The following PHF21A variants were observed in gnomAD, a reference collection of about 807,000 sequenced individuals.
PHF21A encodes BHC80a.
In PHF21A, 11 loss-of-function variants were observed where a neutral mutation model predicts 82.5. The observed-to-expected ratio is 0.13, with a 90% CI of 0.08 to 0.22. The LOEUF is 0.22. Among genes scored for constraint, PHF21A ranks in the 10% least tolerant of loss-of-function variants. The pLI is 1.00. For synonymous variants in PHF21A, 297 were observed against 302.8 expected (o/e 0.98, Z 0.20); for missense variants, 579 against 837.8 (o/e 0.69, Z 3.81).
At chr11:46,081,174 C>T (rs1256912950) in intron 4 of PHF21A, among the ~76,000 whole-genome samples, 1 of 152,190 alleles carries the variant, frequency 6.6e-6, no homozygotes, top group Non-Finnish European at 1.5e-5. Flanking sequence ...GATGCTAAGA[C>T]ACATTTTAGA....
intron 6 of PHF21A, among the ~76,000 whole-genome samples, chr11:46,026,586 T>C (rs1240485944): frequency 6.6e-6 from 1 of 152,134 alleles, no homozygotes; most frequent in East Asian, 1.9e-4. Flanking sequence ...GGTAAACTGT[T>C]TCCATATTGA....
chr11:45,955,345 CAA>C (rs2092554535), intron 10 of PHF21A, among the ~76,000 whole-genome samples: 1 of 151,894 alleles, frequency 6.6e-6, no homozygotes, highest in Non-Finnish European at 1.5e-5. Context: ...CTCCATAAAA[CAA>C]AACACCAGTG....
chr11:45,986,361 A>C (rs1281409595), intron 6 of PHF21A, among the ~76,000 whole-genome samples: 3 of 152,160 alleles, frequency 2.0e-5, no homozygotes, highest in Admixed American at 6.5e-5. Flanking sequence ...ACTTTGCCTA[A>C]ATTTAGAGAC....
intron 14 of PHF21A, 126 bp from the exon 15 acceptor site, chr11:45,946,129 CAGA>C: frequency 4.3e-6 from 7 of 1,610,438 alleles, no homozygotes; most frequent in Non-Finnish European, 5.1e-6. Context: ...AGGTAGCAGA[CAGA>C]AGGTTAATTC....
chr11:45,931,940 G>A lies in PHF21A; in HGVS notation c.*2028C>T, dbSNP rs1359621719. ...AGCCGAGGCAAGCGCAGCAATTCTA[G>A]CCCAGGGTCACCCAGGAGGCTTGTG... On this transcript the variant is annotated 3_prime_UTR_variant, in exon 19 of 19. Coordinates refer to ENST00000676320, the MANE Select transcript of PHF21A (RefSeq NM_001352027.3). 2.0e-5 allele frequency: 3 copies of A among 152,336 alleles called. No individual in the cohort carries two copies. Among genetic ancestry groups the A allele is most frequent in the African/African-American group, 7.2e-5 (3 of 41,468 alleles). The allele number at this position is 152,336 out of a possible 1,614,324, so 9.4% of individuals were successfully genotyped here.
chr11:46,088,361 G>A (rs760485812), intron 3 of PHF21A, among the ~76,000 whole-genome samples: 3 of 151,810 alleles, frequency 2.0e-5, no homozygotes, highest in African/African-American at 4.8e-5. Flanking sequence ...TCTTCCAAAC[G>A]GTACATGTCA....
intron 8 of PHF21A, chr11:45,970,227 A>G (rs1177655836): frequency 3.8e-6 from 1 of 261,608 alleles, no homozygotes. Context: ...GACTGGATCC[A>G]AAGTAAAATC....
chr11:46,011,434 G>GT (rs2095411794), intron 6 of PHF21A, among the ~76,000 whole-genome samples: 1 of 152,138 alleles, frequency 6.6e-6, no homozygotes, highest in Non-Finnish European at 1.5e-5. Context: ...GGTTGCAGCA[G>GT]TGAGCGGAGA....
chr11:45,947,159 C>G (rs1254015457), intron 14 of PHF21A, among the ~76,000 whole-genome samples: 2 of 152,206 alleles, frequency 1.3e-5, no homozygotes, highest in Non-Finnish European at 2.9e-5. Flanking sequence ...AACTTCAAGG[C>G]TACAAAGGAA....
At chr11:46,082,678 TTTAA>T (rs1453465133) in intron 4 of PHF21A, among the ~76,000 whole-genome samples, 1 of 152,126 alleles carries the variant, frequency 6.6e-6, no homozygotes, top group Non-Finnish European at 1.5e-5. Context: ...AATTTAAAAT[TTTAA>T]TTAGATTTAA....
At chr11:45,947,241 C>T (rs921668090) in intron 14 of PHF21A, among the ~76,000 whole-genome samples, 20 of 152,110 alleles carry the variant, frequency 1.3e-4, no homozygotes, top group Non-Finnish European at 5.9e-5. Flanking sequence ...TAAGTCAGGG[C>T]CCTTGTCTTC....
At chr11:45,996,649 G>A (rs2094919023) in intron 6 of PHF21A, among the ~76,000 whole-genome samples, 1 of 152,210 alleles carries the variant, frequency 6.6e-6, no homozygotes, top group Non-Finnish European at 1.5e-5. Context: ...AGGTGTACAT[G>A]CTTGAGCAGA....
chr11:46,038,372 C>A (rs1308194190), intron 6 of PHF21A, among the ~76,000 whole-genome samples: 1 of 152,136 alleles, frequency 6.6e-6, no homozygotes, highest in East Asian at 1.9e-4. Flanking sequence ...AAGTGATCCA[C>A]CCGCCTCAGC....
chr11:46,079,245 C>A, intron 4 of PHF21A, 79 bp from the exon 5 acceptor site: 1 of 1,006,326 alleles, frequency 9.9e-7, no homozygotes. Flanking sequence ...ACCAAAAAAT[C>A]TAGGATTTTA....
At chr11:46,107,437 T>C (rs994821097) in intron 1 of PHF21A, among the ~76,000 whole-genome samples, 1 of 152,320 alleles carries the variant, frequency 6.6e-6, no homozygotes, top group African/African-American at 2.4e-5. Context: ...AGGAAAAGCA[T>C]ATTTATGAAT....
chr11:45,930,879 C>G lies in PHF21A; in HGVS notation c.*3089G>C, dbSNP rs1029653651. 6 of 148,982 alleles carry G rather than the reference C, an allele frequency of 4.0e-5. No homozygotes were observed. The highest frequency in any genetic ancestry group is 1.5e-4 in the African/African-American group (6 of 40,006). The allele number at this position is 148,982 out of a possible 1,614,324, so 9.2% of individuals were successfully genotyped here. ...AGGTGGCTGGGGTGGGGCAGTGTCACGAGCGTATGTCTCAGGTGGTCACAG... is the reference window on the plus strand; with the variant it reads ...AGGTGGCTGGGGTGGGGCAGTGTCAGGAGCGTATGTCTCAGGTGGTCACAG... On this transcript the variant is annotated 3_prime_UTR_variant, in exon 19 of 19. Coordinates refer to ENST00000676320, the MANE Select transcript of PHF21A (RefSeq NM_001352027.3).
At chr11:46,061,507 T>C (rs1365726580) in intron 6 of PHF21A, among the ~76,000 whole-genome samples, 1 of 152,206 alleles carries the variant, frequency 6.6e-6, no homozygotes, top group African/African-American at 2.4e-5. Flanking sequence ...CATTTTGCTA[T>C]TCCTGGAACT....
intron 5 of PHF21A, 50 bp downstream of exon 5, chr11:46,079,084 T>C: frequency 1.7e-6 from 2 of 1,159,378 alleles, no homozygotes; most frequent in Non-Finnish European, 2.5e-6. Context: ...GATTTTATTT[T>C]AAATTATTTT....
chr11:46,038,454 T>G (rs1471168396), intron 6 of PHF21A, among the ~76,000 whole-genome samples: 1 of 152,200 alleles, frequency 6.6e-6, no homozygotes, highest in Non-Finnish European at 1.5e-5. Flanking sequence ...TAACTATTTA[T>G]TGAGCACCTC....
Sources: allele counts gnomAD v4.1 joint callset (sites outside exome capture counted in the v4.1 genomes callset), GRCh38; gene constraint gnomAD v4.1.1; transcripts MANE v1.5; gene names NCBI Gene and HGNC (gene_info 2026-07-23, HGNC 2026-07-21).